The following RCAN3 variants were observed in gnomAD, a reference collection of about 807,000 sequenced individuals.
RCAN3 encodes the protein regulator of calcineurin 3, also known as calcipressin-3.
Under a neutral mutation model 21.9 loss-of-function variants are expected in RCAN3, and 19 were observed. The observed-to-expected ratio is 0.87, with a 90% CI of 0.61 to 1.27. The LOEUF (loss-of-function observed/expected upper bound fraction) is 1.27, where lower values mean the gene tolerates loss of function less well. Among genes scored for constraint, RCAN3 ranks in the 50% most tolerant of loss-of-function variants. The pLI, the probability that RCAN3 is intolerant of heterozygous loss-of-function variation, is 0.00. For missense variants in RCAN3, 240 were observed against 300.1 expected, an observed-to-expected ratio of 0.80 and a Z score of 1.48; for synonymous variants, 114 against 112.3, an observed-to-expected ratio of 1.01 and a Z score of -0.09.
intron 2 of RCAN3, among the ~76,000 whole-genome samples, chr1:24,530,213 G>A (rs1052963689): frequency 6.6e-6 from 1 of 151,628 alleles, no homozygotes; most frequent in African/African-American, 2.4e-5. Context: ...AAATTAGCTG[G>A]ATGTGGTGGC....
intron 2 of RCAN3, among the ~76,000 whole-genome samples, chr1:24,517,058 A>T (rs1399772912): frequency 1.3e-5 from 2 of 151,834 alleles, no homozygotes; most frequent in African/African-American, 4.8e-5. Context: ...TCTCTCAAGA[A>T]ACGTCACAAT....
chr1:24,513,435 G>C (rs929183255), intron 1 of RCAN3, among the ~76,000 whole-genome samples: 1 of 152,068 alleles, frequency 6.6e-6, no homozygotes, highest in Admixed American at 6.6e-5. Context: ...GGAGACTGAG[G>C]TGTGCAGATC....
chr1:24,520,052 A>G (rs551719152), intron 2 of RCAN3, among the ~76,000 whole-genome samples: 4 of 152,362 alleles, frequency 2.6e-5, no homozygotes, highest in African/African-American at 9.6e-5. Context: ...GACTAAATCA[A>G]TTGTTTGTAC....
chr1:24,539,974 C>T lies in RCAN3; in HGVS notation c.*4697C>T, dbSNP rs1435560354. ...TAGCTGGAGCTGTAAGTCCATGTTACAGAAACTCACTATTTAAAAAGTTTT... is the reference window on the plus strand; with the variant it reads ...TAGCTGGAGCTGTAAGTCCATGTTATAGAAACTCACTATTTAAAAAGTTTT... On this transcript the variant is annotated 3_prime_UTR_variant, in exon 5 of 5. Coordinates refer to ENST00000374395, the MANE Select transcript of RCAN3 (RefSeq NM_013441.4). 6.6e-6 allele frequency: 1 copy of T among 152,204 alleles called. No individual in the cohort carries two copies. Among genetic ancestry groups the T allele is most frequent in the Non-Finnish European group, 1.5e-5 (1 of 68,038 alleles). 9.4% of individuals were successfully genotyped at this position (152,204 alleles called of 1,614,324 possible). A position where few individuals can be genotyped will look rare whatever the true frequency, so the allele number is the denominator to read the frequency against.
At chr1:24,534,768 C>G (rs112363589) in intron 4 of RCAN3, among the ~76,000 whole-genome samples, 5 of 152,278 alleles carry the variant, frequency 3.3e-5, no homozygotes, top group African/African-American at 9.6e-5. Flanking sequence ...CCACTGCACT[C>G]CAGCCTGCCG....
rs1650452187 is a variant in RCAN3 at position 24,540,829 on chromosome 1, A to T, written c.*5552A>T. 1 of 152,188 alleles carries T rather than the reference A, an allele frequency of 6.6e-6. No individual in the cohort carries two copies. The highest frequency in any genetic ancestry group is 2.1e-4 in the South Asian group (1 of 4,834). The allele number at this position is 152,188 out of a possible 1,614,324, so 9.4% of individuals were successfully genotyped here. A position where few individuals can be genotyped will look rare whatever the true frequency, so the allele number is the denominator to read the frequency against. The stretch of plus-strand genomic sequence containing the variant: ...TCAGTAATTTATGTACATGTATTCC[A>T]CATTTTAGTGTGCTTGAAGTGACAA... On this transcript the variant is annotated 3_prime_UTR_variant, in exon 5 of 5. Transcript: ENST00000374395.
At chr1:24,503,227 A>G (rs1647219427) in intron 1 of RCAN3, 77 bp downstream of exon 1, 1 of 145,282 alleles carries the variant, frequency 6.9e-6, no homozygotes. Flanking sequence ...AAAAAAAAAA[A>G]AAAAAAAAAA....
At chr1:24,509,321 C>A (rs1647703998) in intron 1 of RCAN3, among the ~76,000 whole-genome samples, 1 of 152,204 alleles carries the variant, frequency 6.6e-6, no homozygotes, top group Non-Finnish European at 1.5e-5. Context: ...CGAAAGATTT[C>A]TCTGTAGTAT....
intron 1 of RCAN3, among the ~76,000 whole-genome samples, chr1:24,504,091 A>G (rs1008138723): frequency 6.6e-6 from 1 of 152,228 alleles, no homozygotes; most frequent in African/African-American, 2.4e-5. Flanking sequence ...ATCCAGGAAG[A>G]CTGTGAAAAG....
At position 24,505,594 on chromosome 1, in the gene RCAN3, A is replaced by G. The variant is rs190538746; in HGVS notation, c.-60+2444A>G. Among the ~76,000 whole-genome samples, 209 of 152,146 alleles carry G rather than the reference A, an allele frequency of 1.4e-3. 1 individual carries two copies. The highest frequency in any genetic ancestry group is 2.5e-3 in the Non-Finnish European group (168 of 68,002). On this transcript the variant is annotated intron_variant, in intron 1 of 4. Coordinates refer to ENST00000374395, the MANE Select transcript of RCAN3 (RefSeq NM_013441.4). The stretch of plus-strand genomic sequence containing the variant: ...TTTAAAAAAGGAACTTAGTAGCCCA[A>G]AGCACCTATGTTTATTTTATATATT...
At chr1:24,518,495 C>T (rs1205516629) in intron 2 of RCAN3, among the ~76,000 whole-genome samples, 1 of 152,120 alleles carries the variant, frequency 6.6e-6, no homozygotes, top group Non-Finnish European at 1.5e-5. Flanking sequence ...ATCAGGAGTG[C>T]GACAGGCTTA....
chr1:24,510,968 C>T (rs923088724), intron 1 of RCAN3, among the ~76,000 whole-genome samples: 9 of 152,030 alleles, frequency 5.9e-5, no homozygotes, highest in South Asian at 2.1e-4. Flanking sequence ...GGGAGAGAGT[C>T]GGGGAAATGG....
rs1429238409 is a variant in RCAN3, at chr1:24,532,953, A to G, written c.370-130A>G. 7.0e-5 allele frequency: 37 copies of G among 530,494 alleles called. No individual in the cohort carries two copies. In the African/African-American group the frequency reaches 7.3e-4, roughly 10 times the overall value. The allele number at this position is 530,494 out of a possible 1,614,324, so 32.9% of individuals were successfully genotyped here. A position where few individuals can be genotyped will look rare whatever the true frequency, so the allele number is the denominator to read the frequency against. On this transcript the variant is annotated intron_variant, in intron 3 of 4. Coordinates refer to ENST00000374395, the MANE Select transcript of RCAN3 (RefSeq NM_013441.4). ...GACAAAGTGAGACTCCGTCTCAAAA[A>G]AAAAAAAAAAAAAAAAAAAAAAGAA...
chr1:24,520,884 C>T (rs1245468966), intron 2 of RCAN3, among the ~76,000 whole-genome samples: 1 of 151,986 alleles, frequency 6.6e-6, no homozygotes, highest in Non-Finnish European at 1.5e-5. Context: ...TCAGTACTAC[C>T]TAAAGTGCTC....
chr1:24,514,028 C>A (rs1197450591), intron 1 of RCAN3, among the ~76,000 whole-genome samples: 1 of 152,182 alleles, frequency 6.6e-6, no homozygotes, highest in Non-Finnish European at 1.5e-5. Flanking sequence ...TTGATATGAT[C>A]TCATTTTATA....
chr1:24,509,527 C>T (rs1455316646), intron 1 of RCAN3, among the ~76,000 whole-genome samples: 3 of 152,230 alleles, frequency 2.0e-5, no homozygotes, highest in African/African-American at 7.2e-5. Context: ...TGCTCATTCA[C>T]AGGAAGCCAA....
Position 24,514,299 on chromosome 1 carries a change from C to CTT in RCAN3, c.-59-7_-59-6dup. 1 of 1,288,052 alleles carries CTT rather than the reference C, an allele frequency of 7.8e-7. No individual in the cohort carries two copies. The highest frequency in any genetic ancestry group is 1.0e-6 in the Non-Finnish European group (1 of 960,460). The allele number at this position is 1,288,052 out of a possible 1,614,324, so 79.8% of individuals were successfully genotyped here. On this transcript the variant is annotated splice_polypyrimidine_tract_variant and intron_variant, in intron 1 of 4. Transcript: ENST00000374395. ...CTTCGGAGTTTTACCTCTGCATTTT[C>CTT]TTTTTTTTTAACAGTGGGTGCCTGA...
Position 24,535,303 on chromosome 1 carries a change from C to T in RCAN3, c.*26C>T. On this transcript the variant is annotated 3_prime_UTR_variant, in exon 5 of 5. Coordinates refer to ENST00000374395, the MANE Select transcript of RCAN3 (RefSeq NM_013441.4). ...GGCCCTTGGTTGTGGTGCGAGGCGG[C>T]TGCCCTGGTGGGCTCTGGCCATGGC... The T allele has an allele frequency of 6.6e-7, 1 of 1,511,528 alleles. No homozygotes were observed. The highest frequency in any genetic ancestry group is 8.8e-7 in the Non-Finnish European group (1 of 1,137,392). The allele number at this position is 1,511,528 out of a possible 1,614,324, so 93.6% of individuals were successfully genotyped here. A position where few individuals can be genotyped will look rare whatever the true frequency, so the allele number is the denominator to read the frequency against.
At chr1:24,507,990 A>G (rs1043115529) in intron 1 of RCAN3, among the ~76,000 whole-genome samples, 1 of 152,200 alleles carries the variant, frequency 6.6e-6, no homozygotes, top group African/African-American at 2.4e-5. Flanking sequence ...AGGCAGGAGA[A>G]TCGCTTGAAC....
Sources: gnomAD v4.1 joint callset for allele counts (sites outside exome capture counted in the v4.1 genomes callset) on GRCh38, gnomAD v4.1.1 for gene constraint, MANE v1.5 for transcripts, NCBI Gene and HGNC (gene_info 2026-07-23, HGNC 2026-07-21) for gene names.